The following ERBB4 variants were observed in gnomAD, a reference collection of about 807,000 sequenced individuals.
ERBB4 encodes erb-b2 receptor tyrosine kinase 4.
A neutral mutation model predicts 158.0 loss-of-function variants in ERBB4; 42 were observed. That is an observed-to-expected ratio of 0.27 (90% CI 0.21 to 0.34). The LOEUF is 0.34. Among genes scored for constraint, ERBB4 ranks in the 10% least tolerant of loss-of-function variants. ERBB4 has a pLI of 1.00. For synonymous variants in ERBB4, 583 were observed against 558.7 expected (o/e 1.04, Z -0.61); for missense variants, 1,333 against 1,624.1 (o/e 0.82, Z 3.08).
chr2:212,000,887 G>A (rs777471738), intron 2 of ERBB4, among the ~76,000 whole-genome samples: 4 of 151,736 alleles, frequency 2.6e-5, no homozygotes, highest in Non-Finnish European at 5.9e-5. Flanking sequence ...TTTGGTCTAT[G>A]TGTAAAGAAA....
chr2:212,234,500 T>G (rs1411551124), intron 1 of ERBB4, among the ~76,000 whole-genome samples: 1 of 152,220 alleles, frequency 6.6e-6, no homozygotes, highest in Non-Finnish European at 1.5e-5. Flanking sequence ...ATATGCCCAG[T>G]AATGGGATTG....
In ERBB4 at chr2:211,401,938, T is replaced by C. The variant is rs560619905; in HGVS notation, c.3136-13946A>G. Among the ~76,000 whole-genome samples the C allele has an allele frequency of 5.5e-3, 837 of 151,522 alleles. 10 individuals carry two copies. The highest frequency in any genetic ancestry group is 0.021 in the South Asian group (102 of 4,824). On this transcript the variant is annotated intron_variant, in intron 25 of 27. Transcript: ENST00000342788. ...GGGCCACTATGTCACAATTATAATA[T>C]AATAATATATTATATATTACTAGCA... is the stretch of plus-strand genomic sequence containing the variant.
At chr2:212,088,153 C>A (rs1283481190) in intron 2 of ERBB4, among the ~76,000 whole-genome samples, 1 of 152,236 alleles carries the variant, frequency 6.6e-6, no homozygotes, top group Non-Finnish European at 1.5e-5. Context: ...CTAAACTCTG[C>A]AGGACAAATC....
intron 20 of ERBB4, among the ~76,000 whole-genome samples, chr2:211,462,656 G>C (rs983045130): frequency 2.0e-5 from 3 of 152,066 alleles, no homozygotes; most frequent in African/African-American, 7.2e-5. Flanking sequence ...TTTATAATGG[G>C]CTGTTACACT....
rs1055720896 is a variant in ERBB4, at chr2:211,376,901, G to C, written c.*6714C>G. 2 of 233,196 alleles carry C rather than the reference G, an allele frequency of 8.6e-6. No homozygotes were observed. The highest frequency in any genetic ancestry group is 1.7e-5 in the Non-Finnish European group (2 of 117,752). The allele number at this position is 233,196 out of a possible 1,614,324, so 14.4% of individuals were successfully genotyped here. ...ATGAGAAGGAGACACACCAGCCAGG[G>C]AGACAGGCATTCAAAGTTAGCTGCC... On this transcript the variant is annotated 3_prime_UTR_variant, in exon 28 of 28. Coordinates refer to ENST00000342788, the MANE Select transcript of ERBB4 (RefSeq NM_005235.3).
chr2:212,101,719 T>G (rs1442147490), intron 2 of ERBB4, among the ~76,000 whole-genome samples: 1 of 151,966 alleles, frequency 6.6e-6, no homozygotes, highest in Non-Finnish European at 1.5e-5. Context: ...GGCCAAGATT[T>G]CTCACTTCTT....
In ERBB4 at chr2:212,250,384, C is replaced by T. The variant is rs2084485319; in HGVS notation, c.83-125481G>A. Among the ~76,000 whole-genome samples the T allele has an allele frequency of 1.3e-5, 2 of 151,874 alleles. 1 individual carries two copies. Among genetic ancestry groups the T allele is most frequent in the South Asian group, 4.1e-4 (2 of 4,828 alleles). ...TTGTGAGCAAATCTGTAAATTAGCA[C>T]TAAGACAACTGTTACAAGTATAAGG... On this transcript the variant is annotated intron_variant, in intron 1 of 27. Coordinates refer to ENST00000342788, the MANE Select transcript of ERBB4 (RefSeq NM_005235.3).
At chr2:211,737,643 A>G (rs1025810053) in intron 5 of ERBB4, among the ~76,000 whole-genome samples, 1 of 152,204 alleles carries the variant, frequency 6.6e-6, no homozygotes, top group Non-Finnish European at 1.5e-5. Context: ...TCATCTATAA[A>G]ATAAAAATAA....
At chr2:211,897,721 CT>C (rs2125023135) in intron 3 of ERBB4, among the ~76,000 whole-genome samples, 1 of 151,918 alleles carries the variant, frequency 6.6e-6, no homozygotes, top group East Asian at 1.9e-4. Flanking sequence ...ATTCTGTTTG[CT>C]TTTAATTAAT....
intron 3 of ERBB4, among the ~76,000 whole-genome samples, chr2:211,824,461 C>A (rs537351602): frequency 2.6e-5 from 4 of 152,034 alleles, no homozygotes; most frequent in East Asian, 1.9e-4. Flanking sequence ...ATTTAGACAA[C>A]TGTCTATTTT....
intron 1 of ERBB4, among the ~76,000 whole-genome samples, chr2:212,520,684 G>A (rs1317466217): frequency 2.0e-5 from 3 of 151,920 alleles, no homozygotes; most frequent in Non-Finnish European, 4.4e-5. Context: ...CCTTGAAAAA[G>A]TTTCCACATT....
intron 3 of ERBB4, among the ~76,000 whole-genome samples, chr2:211,937,629 T>C (rs1355870378): frequency 1.3e-5 from 2 of 152,040 alleles, no homozygotes; most frequent in Non-Finnish European, 2.9e-5. Context: ...AACACATCCT[T>C]CTTCACAGGC....
At chr2:212,139,034 T>C (rs1207824331) in intron 1 of ERBB4, among the ~76,000 whole-genome samples, 1 of 152,114 alleles carries the variant, frequency 6.6e-6, no homozygotes, top group African/African-American at 2.4e-5. Flanking sequence ...ATTTGGAGTG[T>C]TTTCCCATAA....
At chr2:212,516,060 T>C (rs1489103279) in intron 1 of ERBB4, among the ~76,000 whole-genome samples, 1 of 151,954 alleles carries the variant, frequency 6.6e-6, no homozygotes, top group Admixed American at 6.6e-5. Flanking sequence ...ATTTGGGGTA[T>C]AAAATAAGTA....
At chr2:211,850,490 T>G (rs2077692172) in intron 3 of ERBB4, among the ~76,000 whole-genome samples, 1 of 151,866 alleles carries the variant, frequency 6.6e-6, no homozygotes, top group African/African-American at 2.4e-5. Flanking sequence ...TTAGATATGA[T>G]CTCAGATATT....
At chr2:211,562,749 T>C (rs189669617) in intron 19 of ERBB4, among the ~76,000 whole-genome samples, 1,776 of 150,806 alleles carry the variant, frequency 0.012, 24 homozygotes, top group Middle Eastern at 0.072. Flanking sequence ...GCTGAGACTA[T>C]AAAAATTTGA....
At chr2:211,476,321 T>A (rs1271867569) in intron 20 of ERBB4, among the ~76,000 whole-genome samples, 1 of 152,084 alleles carries the variant, frequency 6.6e-6, no homozygotes, top group Non-Finnish European at 1.5e-5. Context: ...TTGATAGACA[T>A]TGAGTGCTCA....
chr2:212,400,168 G>A (rs2091160625), intron 1 of ERBB4, among the ~76,000 whole-genome samples: 1 of 152,144 alleles, frequency 6.6e-6, no homozygotes, highest in Non-Finnish European at 1.5e-5. Flanking sequence ...TTATACCAAG[G>A]ACAATAGGAA....
At chr2:211,957,515 A>T (rs928521405) in intron 2 of ERBB4, among the ~76,000 whole-genome samples, 1 of 152,120 alleles carries the variant, frequency 6.6e-6, no homozygotes, top group African/African-American at 2.4e-5. Context: ...CTAAGTTCAC[A>T]TCCTAGCTTT....
Sources: allele counts gnomAD v4.1 joint callset (sites outside exome capture counted in the v4.1 genomes callset), GRCh38; gene constraint gnomAD v4.1.1; transcripts MANE v1.5; gene names NCBI Gene and HGNC (gene_info 2026-07-23, HGNC 2026-07-21).